SACS: variants seen among roughly 807,000 people sequenced by gnomAD.
The protein encoded by SACS is sacsin.
Under a neutral mutation model 348.0 loss-of-function variants are expected in SACS, and 197 were observed. The observed-to-expected ratio is 0.57, with a 90% CI of 0.50 to 0.64. The LOEUF (loss-of-function observed/expected upper bound fraction) is 0.64. Among genes scored for constraint, SACS ranks in the 30% least tolerant of loss-of-function variants. The pLI, the probability that SACS is intolerant of heterozygous loss-of-function variation, is 0.00. For missense variants in SACS, 4,999 were observed against 5,360.8 expected, an observed-to-expected ratio of 0.93 and a Z score of 2.11; for synonymous variants, 1,985 against 1,910.6, an observed-to-expected ratio of 1.04 and a Z score of -1.02.
At chr13:23,368,546 A>C in intron 4 of SACS, 59 bp from the exon 5 acceptor site, 2 of 1,197,380 alleles carry the variant, frequency 1.7e-6, no homozygotes, top group Non-Finnish European at 2.5e-6. Context: ...ATTGTCACCA[A>C]TGTGTGACTT....
chr13:23,337,003 A>T lies in SACS; in HGVS notation c.6873T>A (p.Asp2291Glu). ...FLGLLKKPTV[D>E]LVINQLKEVA... The stretch of plus-strand genomic sequence containing the variant: ...CTTCTTTCAATTGGTTTATAACCAG[A>T]TCAACTGTTGGCTTCTTGAGTAATC... The change falls in exon 10 of 10, where the codon GAT (aspartate) becomes GAA (glutamate). Residue 2291 changes from aspartate to glutamate, a missense_variant. Asp to Glu is a conservative substitution (Grantham distance 45, BLOSUM62 2). Coordinates refer to ENST00000382292, the MANE Select transcript of SACS (RefSeq NM_014363.6). 1 of 1,614,028 alleles carries T rather than the reference A, an allele frequency of 6.2e-7. No homozygotes were observed. The highest frequency in any genetic ancestry group is 8.5e-7 in the Non-Finnish European group (1 of 1,179,912).
Position 23,337,410 on chromosome 13 carries a change from C to T in SACS, c.6466G>A (p.Asp2156Asn). Residue 2156 changes from aspartate to asparagine, a missense_variant, in exon 10 of 10, where the codon GAT becomes AAT. Transcript: ENST00000382292. ...AGCATATCATCCCATAAAATATCAT[C>T]TTTTGCCATACCTAACTGAACTAGT... ...IKLVQLGMAK[D>N]DILWDDMLER... The T allele has an allele frequency of 6.2e-7, 1 of 1,612,980 alleles. No homozygotes were observed. The highest frequency in any genetic ancestry group is 2.2e-5 in the East Asian group (1 of 44,866).
chr13:23,333,996 C>T lies in SACS; in HGVS notation c.9880G>A (p.Val3294Met). The change falls in exon 10 of 10, where the codon GTG becomes ATG. Residue 3294 changes from valine (V) to methionine (M), a missense_variant. Physicochemically the swap from Val to Met is conservative, Grantham distance 21. Transcript: ENST00000382292. ...TKFTVSANQL[V>M]VPEGDVLLPL... The stretch of plus-strand genomic sequence containing the variant: ...AGCAGAACATCTCCTTCAGGAACCA[C>T]AAGCTGGTTGGCTGAAACAGTAAAC... The T allele has an allele frequency of 7.4e-6, 12 of 1,613,902 alleles. No individual in the cohort carries two copies. The highest frequency in any genetic ancestry group is 7.6e-6 in the Non-Finnish European group (9 of 1,179,842).
Position 23,357,244 on chromosome 13 carries a change from T to G in SACS, c.604+1091A>C, listed in dbSNP as rs1219637672. Among the ~76,000 whole-genome samples, 3 of 152,192 alleles carry G rather than the reference T, an allele frequency of 2.0e-5. No individual in the cohort carries two copies. The East Asian group carries it at 5.8e-4, about 29-fold the overall frequency. ...CTACTCACATCTGTGTCCCACAACA[T>G]TTACAAACTACTACATGGCACAGAC... On this transcript the variant is annotated intron_variant, in intron 7 of 9. Coordinates refer to ENST00000382292, the MANE Select transcript of SACS (RefSeq NM_014363.6).
chr13:23,407,287 C>A (rs1199280993), intron 2 of SACS, among the ~76,000 whole-genome samples: 3 of 152,220 alleles, frequency 2.0e-5, no homozygotes, highest in African/African-American at 7.2e-5. Context: ...CAAGCTCCAC[C>A]TCCCAGGTTC....
chr13:23,426,286 G>T (rs1234790762), intron 1 of SACS, among the ~76,000 whole-genome samples: 1 of 152,198 alleles, frequency 6.6e-6, no homozygotes, highest in Non-Finnish European at 1.5e-5. Context: ...TTTGCCCAAG[G>T]TGGTCAGGGC....
chr13:23,395,313 G>A lies in SACS; in HGVS notation c.20+15907C>T, dbSNP rs1420772784. Reference sequence around the variant, plus strand: ...TGATGGCTGTATGCTCCACCACTAGGGCCACTAGGGCATGCACTCACTCTG... The same window carrying A: ...TGATGGCTGTATGCTCCACCACTAGAGCCACTAGGGCATGCACTCACTCTG... On this transcript the variant is annotated intron_variant, in intron 2 of 9. Coordinates refer to ENST00000382292, the MANE Select transcript of SACS (RefSeq NM_014363.6). Among the ~76,000 whole-genome samples the A allele has an allele frequency of 3.9e-5, 6 of 152,184 alleles. No individual in the cohort carries two copies. The East Asian group carries it at 1.2e-3, about 29-fold the overall frequency.
At chr13:23,416,017 C>T (rs554094236) in intron 1 of SACS, among the ~76,000 whole-genome samples, 5 of 151,916 alleles carry the variant, frequency 3.3e-5, no homozygotes, top group Non-Finnish European at 7.4e-5. Flanking sequence ...TGGTGGCTCA[C>T]GTCTGTAATC....
chr13:23,420,668 G>A (rs760619173), intron 1 of SACS, among the ~76,000 whole-genome samples: 7 of 152,076 alleles, frequency 4.6e-5, no homozygotes, highest in Non-Finnish European at 1.0e-4. Flanking sequence ...GGTGTCAGTC[G>A]GGAACTGGAT....
rs1268868712 is a variant in SACS, at chr13:23,329,868, A to C, written c.*268T>G. 5 of 524,012 alleles carry C rather than the reference A, an allele frequency of 9.5e-6. No individual in the cohort carries two copies. Among genetic ancestry groups the C allele is most frequent in the African/African-American group, 9.5e-5 (5 of 52,454 alleles). The allele number at this position is 524,012 out of a possible 1,614,324, so 32.5% of individuals were successfully genotyped here. A position where few individuals can be genotyped will look rare whatever the true frequency, so the allele number is the denominator to read the frequency against. On this transcript the variant is annotated 3_prime_UTR_variant, in exon 10 of 10. Coordinates refer to ENST00000382292, the MANE Select transcript of SACS (RefSeq NM_014363.6). ...ACAAACTGCTAAGCTTTGGTTATAT[A>C]AAGTGCAGTTCAATGATGTATCATC...
At chr13:23,409,130 G>C (rs1403713935) in intron 2 of SACS, among the ~76,000 whole-genome samples, 1 of 115,462 alleles carries the variant, frequency 8.7e-6, no homozygotes, top group Non-Finnish European at 1.7e-5. Flanking sequence ...TCGGCTCACT[G>C]ATTGCAAGCT....
At chr13:23,366,094 CAA>C (rs1322578207) in intron 5 of SACS, among the ~76,000 whole-genome samples, 2 of 152,114 alleles carry the variant, frequency 1.3e-5, no homozygotes, top group South Asian at 2.1e-4. Flanking sequence ...CCATGATCAT[CAA>C]AAGAGCTTTT....
At chr13:23,408,104 T>C (rs1330273112) in intron 2 of SACS, among the ~76,000 whole-genome samples, 2 of 152,190 alleles carry the variant, frequency 1.3e-5, no homozygotes, top group African/African-American at 2.4e-5. Context: ...ACTATTTTAA[T>C]AGGTGTCAGA....
At chr13:23,401,924 T>TA (rs1872995034) in intron 2 of SACS, among the ~76,000 whole-genome samples, 1 of 152,206 alleles carries the variant, frequency 6.6e-6, no homozygotes, top group Admixed American at 6.5e-5. Context: ...CTCACGCCTC[T>TA]AATCCAGCAC....
At chr13:23,421,017 G>C (rs1873917426) in intron 1 of SACS, among the ~76,000 whole-genome samples, 1 of 152,088 alleles carries the variant, frequency 6.6e-6, no homozygotes, top group Non-Finnish European at 1.5e-5. Flanking sequence ...GGCACCTGGT[G>C]TCTGCCTGGG....
At chr13:23,369,613 C>G (rs1419947215) in intron 4 of SACS, among the ~76,000 whole-genome samples, 1 of 151,726 alleles carries the variant, frequency 6.6e-6, no homozygotes. Context: ...GGCGCAATCT[C>G]AGCTCACTGC....
rs1593150144 is a variant in SACS at position 23,361,154 on chromosome 13, T to A, written c.458-2673A>T. Among the ~76,000 whole-genome samples the A allele has an allele frequency of 2.6e-5, 4 of 152,248 alleles. No individual in the cohort carries two copies. The South Asian group carries it at 6.2e-4, about 24-fold the overall frequency. ...AAAATTACCCCTAGGAGTGCAACTG[T>A]CCCGGGGTCTGGGATCTGGAGCTTT... On this transcript the variant is annotated intron_variant, in intron 6 of 9. Transcript: ENST00000382292.
At chr13:23,421,920 G>A (rs149983561) in intron 1 of SACS, among the ~76,000 whole-genome samples, 3,297 of 151,764 alleles carry the variant, frequency 0.022, 42 homozygotes, top group African/African-American at 0.031. Context: ...GGTGTTCAAC[G>A]GGGGCCCATG....
Position 23,354,786 on chromosome 13 carries a change from T to G in SACS, c.1826A>C (p.Asp609Ala). Reference sequence around the variant, plus strand: ...GGCAGCTGTGAGCTGAACAGCAGCATCCACATTCCCTGGTACCTTGGCAAT... The same window carrying G: ...GGCAGCTGTGAGCTGAACAGCAGCAGCCACATTCCCTGGTACCTTGGCAAT... ...KQIAKVPGNV[D>A]AAVQLTAASG... The change falls in exon 8 of 10, where the codon GAT (aspartate) becomes GCT (alanine). Residue 609 changes from aspartate to alanine, a missense_variant. Coordinates refer to ENST00000382292, the MANE Select transcript of SACS (RefSeq NM_014363.6). 6.2e-7 allele frequency: 1 copy of G among 1,614,190 alleles called. No individual in the cohort carries two copies. Among genetic ancestry groups the G allele is most frequent in the Non-Finnish European group, 8.5e-7 (1 of 1,180,034 alleles).
Sources: allele counts gnomAD v4.1 joint callset (sites outside exome capture counted in the v4.1 genomes callset), GRCh38; gene constraint gnomAD v4.1.1; transcripts MANE v1.5; gene names NCBI Gene and HGNC (gene_info 2026-07-23, HGNC 2026-07-21).